SPMIP3: variants seen among roughly 807,000 people sequenced by gnomAD.
The protein encoded by SPMIP3 is sperm microtubule inner protein 3.
chr1:244,378,183 G>A, the SPMIP3 span, among the ~76,000 whole-genome samples: 4,001 of 152,220 alleles, frequency 0.026, 74 homozygotes, highest in South Asian at 0.044. Context: ...TCTGGAGCGC[G>A]GGGAGTGGCT....
chr1:244,360,182 A>C, the SPMIP3 span, among the ~76,000 whole-genome samples: 2 of 152,146 alleles, frequency 1.3e-5, no homozygotes, highest in African/African-American at 4.8e-5. Flanking sequence ...ATCTCACCTC[A>C]GTTCAAATGT....
chr1:244,377,214 C>A, the SPMIP3 span, among the ~76,000 whole-genome samples: 1 of 149,716 alleles, frequency 6.7e-6, no homozygotes, highest in Non-Finnish European at 1.5e-5. Flanking sequence ...CTCCGCCCCC[C>A]GGGTTCACGC....
At chr1:244,385,030 T>C in the SPMIP3 span, among the ~76,000 whole-genome samples, 1 of 151,940 alleles carries the variant, frequency 6.6e-6, no homozygotes, top group East Asian at 1.9e-4. Flanking sequence ...GCCTCCCGAG[T>C]AGCTGGGATT....
At chr1:244,355,926 TA>T in the SPMIP3 span, among the ~76,000 whole-genome samples, 1 of 152,252 alleles carries the variant, frequency 6.6e-6, no homozygotes, top group Admixed American at 6.5e-5. Context: ...TAAGCAATTG[TA>T]AATAGTTGTG....
At chr1:244,367,503 C>G in the SPMIP3 span, among the ~76,000 whole-genome samples, 1 of 152,132 alleles carries the variant, frequency 6.6e-6, no homozygotes, top group Non-Finnish European at 1.5e-5. Flanking sequence ...GAGAGGCACA[C>G]AGAGCTGCCT....
the SPMIP3 span, among the ~76,000 whole-genome samples, chr1:244,357,068 A>G: frequency 6.6e-6 from 1 of 151,760 alleles, no homozygotes; most frequent in Admixed American, 6.6e-5. Context: ...GACTACAGAC[A>G]CATGCCACCT....
chr1:244,380,886 T>C, the SPMIP3 span, among the ~76,000 whole-genome samples: 3 of 150,040 alleles, frequency 2.0e-5, no homozygotes, highest in Middle Eastern at 3.4e-3. Context: ...GCAATAGCCA[T>C]GGGGGCCAGA....
At chr1:244,376,774 T>G in the SPMIP3 span, among the ~76,000 whole-genome samples, 1 of 152,184 alleles carries the variant, frequency 6.6e-6, no homozygotes, top group African/African-American at 2.4e-5. Flanking sequence ...ATCGTGGACT[T>G]TTTTCCATTT....
the SPMIP3 span, among the ~76,000 whole-genome samples, chr1:244,358,376 A>G: frequency 0.7 from 106,933 of 151,824 alleles, 38,332 homozygotes; most frequent in South Asian, 0.8. Flanking sequence ...TTGAGGTCAG[A>G]AGTTCGAGAC....
At chr1:244,373,906 G>T in the SPMIP3 span, among the ~76,000 whole-genome samples, 1 of 152,038 alleles carries the variant, frequency 6.6e-6, no homozygotes, top group African/African-American at 2.4e-5. Flanking sequence ...TTGAGGCCAG[G>T]AGTTTGAGAC....
the SPMIP3 span, among the ~76,000 whole-genome samples, chr1:244,358,223 CTG>C: frequency 2.3e-4 from 34 of 148,350 alleles, no homozygotes; most frequent in African/African-American, 7.9e-4. Flanking sequence ...GAGCCAGACT[CTG>C]TCTCAAAAAG....
the SPMIP3 span, among the ~76,000 whole-genome samples, chr1:244,387,469 GA>G: frequency 6.6e-6 from 1 of 150,458 alleles, no homozygotes; most frequent in Non-Finnish European, 1.5e-5. Flanking sequence ...CAATGGGTAT[GA>G]ATTTAGGAAC....
the SPMIP3 span, chr1:244,364,843 A>C: frequency 1.5e-6 from 2 of 1,344,360 alleles, no homozygotes; most frequent in African/African-American, 2.9e-5. Context: ...CCTGCTGCTC[A>C]GTGGTCCAGA....
chr1:244,368,960 C>G, the SPMIP3 span, among the ~76,000 whole-genome samples: 1 of 152,178 alleles, frequency 6.6e-6, no homozygotes, highest in African/African-American at 2.4e-5. Flanking sequence ...AAGATTGAGA[C>G]CATCCTGGCC....
At chr1:244,387,811 T>G in the SPMIP3 span, among the ~76,000 whole-genome samples, 1 of 152,110 alleles carries the variant, frequency 6.6e-6, no homozygotes, top group Non-Finnish European at 1.5e-5. Flanking sequence ...AAGTGAAAAT[T>G]AATTGGATTT....
chr1:244,377,208 G>GC, the SPMIP3 span, among the ~76,000 whole-genome samples: 7 of 147,216 alleles, frequency 4.8e-5, no homozygotes, highest in Admixed American at 2.1e-4. Flanking sequence ...TGCAAGCTCC[G>GC]CCCCCCGGGT....
At chr1:244,359,567 C>T in the SPMIP3 span, among the ~76,000 whole-genome samples, 1 of 151,794 alleles carries the variant, frequency 6.6e-6, no homozygotes, top group Non-Finnish European at 1.5e-5. Context: ...ACTAAAAATA[C>T]AAAAAATTAG....
chr1:244,381,200 C>T, the SPMIP3 span, among the ~76,000 whole-genome samples: 1 of 136,886 alleles, frequency 7.3e-6, no homozygotes, highest in South Asian at 2.3e-4. Context: ...GAGGAGGGGG[C>T]TAAAAAGAAG....
chr1:244,357,379 T>G, the SPMIP3 span, among the ~76,000 whole-genome samples: 1 of 152,108 alleles, frequency 6.6e-6, no homozygotes, highest in South Asian at 2.1e-4. Context: ...TGGATGGCCC[T>G]TACTAAACAA....
Sources: gnomAD v4.1 joint callset for allele counts (sites outside exome capture counted in the v4.1 genomes callset) on GRCh38, gnomAD v4.1.1 for gene constraint, MANE v1.5 for transcripts, NCBI Gene and HGNC (gene_info 2026-07-23, HGNC 2026-07-21) for gene names.